TRPM1: variants seen among roughly 807,000 people sequenced by gnomAD.
TRPM1 encodes transient receptor potential cation channel subfamily M member 1.
Under a neutral mutation model 149.4 loss-of-function variants are expected in TRPM1, and 113 were observed. The observed-to-expected ratio is 0.76, with a 90% CI of 0.65 to 0.88. TRPM1 has a LOEUF of 0.88. TRPM1 is among the 40% of genes least tolerant of loss of function. TRPM1 has a pLI of 0.00. For synonymous variants in TRPM1, 741 were observed against 759.5 expected, an observed-to-expected ratio of 0.98 and a Z score of 0.40; for missense variants, 1,976 against 2,038.7, an observed-to-expected ratio of 0.97 and a Z score of 0.59.
chr15:31,113,093 A>G (rs2035717066), intron 1 of TRPM1, among the ~76,000 whole-genome samples: 1 of 152,178 alleles, frequency 6.6e-6, no homozygotes, highest in African/African-American at 2.4e-5. Flanking sequence ...ACCCCTGTCC[A>G]GGGCTGCTGT....
intron 27 of TRPM1, among the ~76,000 whole-genome samples, chr15:31,009,899 T>C (rs2032121194): frequency 6.6e-6 from 1 of 152,258 alleles, no homozygotes. Context: ...ATATCTTCTA[T>C]TCTTTCTCTG....
chr15:31,085,158 A>T (rs2034966996), intron 1 of TRPM1, among the ~76,000 whole-genome samples: 1 of 152,106 alleles, frequency 6.6e-6, no homozygotes, highest in Admixed American at 6.5e-5. Context: ...GCTTATTTTA[A>T]AAAAGAGAAA....
chr15:31,151,114 T>C (rs980363623), intron 1 of TRPM1, among the ~76,000 whole-genome samples: 2 of 152,140 alleles, frequency 1.3e-5, no homozygotes, highest in African/African-American at 2.4e-5. Flanking sequence ...CTTGTTAAAC[T>C]TTCCCTCCAA....
chr15:31,120,567 CA>C (rs2035861576), intron 1 of TRPM1, among the ~76,000 whole-genome samples: 1 of 152,186 alleles, frequency 6.6e-6, no homozygotes, highest in Admixed American at 6.5e-5. Flanking sequence ...TTGACATTTA[CA>C]GTATAATTCA....
chr15:31,142,787 A>G (rs2036177124), intron 1 of TRPM1, among the ~76,000 whole-genome samples: 1 of 152,206 alleles, frequency 6.6e-6, no homozygotes, highest in Non-Finnish European at 1.5e-5. Flanking sequence ...TATTAAACCA[A>G]TTAGACTTAT....
At chr15:31,115,199 A>C (rs533763130) in intron 1 of TRPM1, among the ~76,000 whole-genome samples, 41 of 152,320 alleles carry the variant, frequency 2.7e-4, no homozygotes, top group African/African-American at 9.6e-4. Flanking sequence ...CGACCATGTC[A>C]GTGAGCCAAG....
chr15:31,038,915 G>C (rs1596006961), intron 18 of TRPM1, among the ~76,000 whole-genome samples: 1 of 151,612 alleles, frequency 6.6e-6, no homozygotes, highest in Non-Finnish European at 1.5e-5. Flanking sequence ...CAGAAAAGAA[G>C]GACTAACATG....
intron 1 of TRPM1, among the ~76,000 whole-genome samples, chr15:31,152,346 G>C (rs899621298): frequency 6.6e-6 from 1 of 152,216 alleles, no homozygotes; most frequent in Non-Finnish European, 1.5e-5. Context: ...CCCAGGACTG[G>C]GTTCAAAAGG....
At chr15:31,016,688 ACTGT>A (rs2032364510) in intron 27 of TRPM1, among the ~76,000 whole-genome samples, 1 of 152,156 alleles carries the variant, frequency 6.6e-6, no homozygotes, top group Non-Finnish European at 1.5e-5. Context: ...AAATCTATAA[ACTGT>A]CTGGGCCCCA....
chr15:31,026,151 AC>A lies in TRPM1; in HGVS notation c.3616del (p.Val1206SerfsTer11). The A allele has an allele frequency of 6.2e-7, 1 of 1,611,800 alleles. No individual in the cohort carries two copies. ...QQSSSDERIR[V>X]TSERVENMSM... ...ACGCTACACGTACCTTTCAGAAGTG[AC>A]CCGGATGCGCTCGTCGCTGGACGAC... On this transcript the variant is annotated frameshift_variant, in exon 27 of 28. Transcript: ENST00000256552. LOFTEE classifies it low-confidence loss of function (END_TRUNC).
intron 25 of TRPM1, among the ~76,000 whole-genome samples, chr15:31,027,613 C>A (rs2032842061): frequency 6.6e-6 from 1 of 152,152 alleles, no homozygotes; most frequent in African/African-American, 2.4e-5. Flanking sequence ...TGCATGATTT[C>A]ATTGTCTACC....
At chr15:31,065,834 G>A (rs1020185940) in intron 7 of TRPM1, among the ~76,000 whole-genome samples, 7 of 152,200 alleles carry the variant, frequency 4.6e-5, no homozygotes, top group African/African-American at 1.7e-4. Flanking sequence ...CATCACCATG[G>A]CGAGCACTGA....
chr15:31,049,116 T>C (rs1044937358), intron 13 of TRPM1, among the ~76,000 whole-genome samples: 2 of 152,074 alleles, frequency 1.3e-5, no homozygotes, highest in Non-Finnish European at 2.9e-5. Context: ...TAGCAACAAG[T>C]ACTCACACAC....
intron 1 of TRPM1, among the ~76,000 whole-genome samples, chr15:31,113,966 G>A (rs143449050): frequency 0.032 from 4,841 of 151,288 alleles, 270 homozygotes; most frequent in African/African-American, 0.11. Context: ...ATTTTACAGA[G>A]TGCTGATTGG....
intron 7 of TRPM1, among the ~76,000 whole-genome samples, 179 bp from the exon 8 acceptor site, chr15:31,063,471 T>G (rs2034291960): frequency 6.6e-6 from 1 of 152,160 alleles, no homozygotes; most frequent in Non-Finnish European, 1.5e-5. Flanking sequence ...TCTTTTTTCT[T>G]TTTTGAGACA....
rs555450322 is a variant in TRPM1 at position 31,002,813 on chromosome 15, C to T, written c.3887G>A (p.Arg1296Gln). 11 of 1,614,028 alleles carry T rather than the reference C, an allele frequency of 6.8e-6. No individual in the cohort carries two copies. Among genetic ancestry groups the T allele is most frequent in the South Asian group, 1.1e-5 (1 of 91,084 alleles). ...TAACTCTTCTCCGTTAAAATGATATCGATACAAGCTGTAGCCATCAGCGCT... is the reference window on the plus strand; with the variant it reads ...TAACTCTTCTCCGTTAAAATGATATTGATACAAGCTGTAGCCATCAGCGCT... ...INSADGYSLY[R>Q]YHFNGEELLF... The change falls in exon 28 of 28, where the codon CGA becomes CAA. Residue 1296 changes from arginine to glutamine, a missense_variant. By Grantham distance (43) the Arg-to-Gln change is conservative. This residue lies in a region of TRPM1 where 572 missense variants were observed against 578.9 expected (regional missense o/e 0.99). Coordinates refer to ENST00000256552, the MANE Select transcript of TRPM1 (RefSeq NM_001252024.2).
At position 31,050,487 on chromosome 15, in the gene TRPM1, C is replaced by G; in HGVS notation, c.1359G>C (p.Gly453=). The change falls in exon 12 of 28, where the codon GGG becomes GGC. Residue 453 remains glycine, a synonymous_variant. Coordinates refer to ENST00000256552, the MANE Select transcript of TRPM1 (RefSeq NM_001252024.2). The stretch of plus-strand genomic sequence containing the variant: ...TCACTTTCCCTTTCTTCTTGCCTTT[C>G]CCTTTTCCTCTTCCTCCCTTGGTGG... ...MATTKGGRGK[G]KGKKKGKVKE... 2 of 1,614,138 alleles carry G rather than the reference C, an allele frequency of 1.2e-6. No individual in the cohort carries two copies. The highest frequency in any genetic ancestry group is 1.7e-6 in the Non-Finnish European group (2 of 1,180,024).
intron 1 of TRPM1, among the ~76,000 whole-genome samples, chr15:31,089,538 G>A (rs1490767303): frequency 6.6e-6 from 1 of 152,192 alleles, no homozygotes; most frequent in African/African-American, 2.4e-5. Context: ...CCCGGGCAGC[G>A]GTGGATGGGG....
At chr15:31,077,302 AC>A (rs1214032697) in intron 2 of TRPM1, among the ~76,000 whole-genome samples, 29 of 152,176 alleles carry the variant, frequency 1.9e-4, no homozygotes, top group African/African-American at 6.8e-4. Flanking sequence ...AGTGTTGTTT[AC>A]CATCTGGAAA....
Sources: allele counts gnomAD v4.1 joint callset (sites outside exome capture counted in the v4.1 genomes callset), GRCh38; gene constraint gnomAD v4.1.1; regional missense constraint gnomAD v4.1.1; transcripts MANE v1.5; gene names NCBI Gene and HGNC (gene_info 2026-07-23, HGNC 2026-07-21).